The following PTPN14 variants were observed in gnomAD, a reference collection of about 807,000 sequenced individuals.
PTPN14 encodes the protein protein tyrosine phosphatase non-receptor type 14.
Under a neutral mutation model 126.8 loss-of-function variants are expected in PTPN14, and 53 were observed. That is an observed-to-expected ratio of 0.42 (90% confidence interval 0.34 to 0.53). PTPN14 has a LOEUF of 0.53. Among genes scored for constraint, PTPN14 ranks in the 20% least tolerant of loss-of-function variants. The pLI is 0.08. For synonymous variants in PTPN14, 630 were observed against 599.3 expected, an observed-to-expected ratio of 1.05 and a Z score of -0.75; for missense variants, 1,257 against 1,552.9, an observed-to-expected ratio of 0.81 and a Z score of 3.20.
chr1:214,433,474 G>C (rs1208194923), intron 3 of PTPN14, among the ~76,000 whole-genome samples: 1 of 151,976 alleles, frequency 6.6e-6, no homozygotes, highest in Non-Finnish European at 1.5e-5. Context: ...AAAATCAAGA[G>C]AAGGCAGCAA....
intron 3 of PTPN14, among the ~76,000 whole-genome samples, chr1:214,420,148 C>T (rs1379448049): frequency 6.6e-6 from 1 of 152,132 alleles, no homozygotes; most frequent in Non-Finnish European, 1.5e-5. Flanking sequence ...TGAAATAACC[C>T]CATAGGGAGG....
At chr1:214,380,159 CCA>C (rs745789349) in intron 13 of PTPN14, among the ~76,000 whole-genome samples, 83 of 152,114 alleles carry the variant, frequency 5.5e-4, no homozygotes, top group Middle Eastern at 3.4e-3. Context: ...TTTATTTCTG[CCA>C]CCTCTTTCAC....
intron 2 of PTPN14, among the ~76,000 whole-genome samples, chr1:214,453,904 T>C (rs1419068511): frequency 6.6e-6 from 1 of 152,218 alleles, no homozygotes; most frequent in Non-Finnish European, 1.5e-5. Flanking sequence ...ATTGGGACAC[T>C]GGAACATCAC....
Position 214,383,682 on chromosome 1 carries a change from G to A in PTPN14, c.2173C>T (p.Pro725Ser). The change falls in exon 13 of 19, where the codon CCC (proline) becomes TCC (serine). Residue 725 changes from proline to serine, a missense_variant. Transcript: ENST00000366956. This position sits in a 1 kb window ranked among gnomAD's most constrained non-coding sequence, Gnocchi z 4.4. ...TACTCCATCTTCTCCCGGAGCATGG[G>A]GATCTGGGGCACCGATTCTGGAGCC... The part of the protein sequence containing the change: ...EEAPESVPQI[P>S]MLREKMEYSA... 6.2e-7 allele frequency: 1 copy of A among 1,613,422 alleles called. No individual in the cohort carries two copies. The highest frequency in any genetic ancestry group is 8.5e-7 in the Non-Finnish European group (1 of 1,180,026).
chr1:214,439,921 G>T (rs1027928166), intron 3 of PTPN14, among the ~76,000 whole-genome samples: 2 of 152,170 alleles, frequency 1.3e-5, no homozygotes, highest in African/African-American at 4.8e-5. Flanking sequence ...CTCACTCAAA[G>T]AAGTGCCTGT....
intron 14 of PTPN14, among the ~76,000 whole-genome samples, chr1:214,377,022 C>T (rs966176450): frequency 2.0e-5 from 3 of 152,218 alleles, no homozygotes; most frequent in Non-Finnish European, 2.9e-5. Flanking sequence ...AACCTTCTGA[C>T]AGCAATTTCG....
At chr1:214,426,113 T>A (rs142553878) in intron 3 of PTPN14, among the ~76,000 whole-genome samples, 22 of 137,472 alleles carry the variant, frequency 1.6e-4, no homozygotes, top group African/African-American at 6.0e-4. Context: ...ACAACATGAA[T>A]CCATTGACAA....
rs370374002 is a variant in PTPN14, at chr1:214,464,822, C to G, written c.-19G>C. The G allele has an allele frequency of 1.4e-5, 22 of 1,610,314 alleles. No homozygotes were observed. Among genetic ancestry groups the G allele is most frequent in the Non-Finnish European group, 1.8e-5 (21 of 1,177,610 alleles). ...AAGGCATGGCTATGTGGTCCTCGGA[C>G]GCCGCCCGCCTATCCTGGCGCACAC... is the stretch of plus-strand genomic sequence containing the variant. On this transcript the variant is annotated 5_prime_UTR_variant, in exon 2 of 19. Transcript: ENST00000366956.
At chr1:214,376,766 C>T (rs1019105071) in intron 14 of PTPN14, among the ~76,000 whole-genome samples, 2 of 152,146 alleles carry the variant, frequency 1.3e-5, no homozygotes, top group Admixed American at 1.3e-4. Context: ...TCCTTTCCTC[C>T]ACCTATATAG....
chr1:214,402,717 A>G (rs1246396052), intron 6 of PTPN14, among the ~76,000 whole-genome samples, 166 bp downstream of exon 6: 1 of 123,140 alleles, frequency 8.1e-6, no homozygotes, highest in Non-Finnish European at 1.7e-5. Flanking sequence ...TTTCAAGTGG[A>G]CATTCACTTT....
At chr1:214,550,785 C>A (rs909090947) in intron 1 of PTPN14, among the ~76,000 whole-genome samples, 1 of 152,192 alleles carries the variant, frequency 6.6e-6, no homozygotes, top group African/African-American at 2.4e-5. Context: ...CATCCCCCTA[C>A]CGCTGCAGCG....
intron 1 of PTPN14, among the ~76,000 whole-genome samples, chr1:214,484,278 C>T (rs1220879491): frequency 6.6e-6 from 1 of 152,182 alleles, no homozygotes; most frequent in Admixed American, 6.5e-5. Flanking sequence ...GCAGCACACA[C>T]CTGTGGTCCT....
intron 1 of PTPN14, among the ~76,000 whole-genome samples, chr1:214,492,538 T>C (rs1311260130): frequency 6.6e-6 from 1 of 152,240 alleles, no homozygotes; most frequent in Admixed American, 6.5e-5. Flanking sequence ...CGTTGGGACA[T>C]TTGATGATGA....
At chr1:214,523,731 A>AGG (rs1452165568) in intron 1 of PTPN14, among the ~76,000 whole-genome samples, 1 of 152,148 alleles carries the variant, frequency 6.6e-6, no homozygotes, top group Non-Finnish European at 1.5e-5. Context: ...CACCAACACA[A>AGG]GGCCTGGAGT....
At position 214,464,835 on chromosome 1, in the gene PTPN14, T is replaced by C; in HGVS notation, c.-32A>G. The stretch of plus-strand genomic sequence containing the variant: ...GTGGTCCTCGGACGCCGCCCGCCTA[T>C]CCTGGCGCACACGCCCCTGAGATGG... On this transcript the variant is annotated 5_prime_UTR_variant, in exon 2 of 19. Transcript: ENST00000366956. The C allele has an allele frequency of 6.2e-7, 1 of 1,609,164 alleles. No homozygotes were observed. Among genetic ancestry groups the C allele is most frequent in the Non-Finnish European group, 8.5e-7 (1 of 1,175,952 alleles).
chr1:214,460,408 AACACAC>A (rs150101393), intron 2 of PTPN14, among the ~76,000 whole-genome samples: 3 of 149,824 alleles, frequency 2.0e-5, no homozygotes, highest in South Asian at 2.1e-4. Context: ...ACACATACAC[AACACAC>A]ACACACACAC....
Position 214,456,378 on chromosome 1 carries a change from A to G in PTPN14, c.175-4404T>C, listed in dbSNP as rs75093032. Among the ~76,000 whole-genome samples, 13 of 152,346 alleles carry G rather than the reference A, an allele frequency of 8.5e-5. No homozygotes were observed. In the East Asian group the frequency reaches 2.5e-3, roughly 29 times the overall value. On this transcript the variant is annotated intron_variant, in intron 2 of 18. Coordinates refer to ENST00000366956, the MANE Select transcript of PTPN14 (RefSeq NM_005401.5). Reference sequence around the variant, plus strand: ...CACTGAGGCATGGAAAATACTTCAAAAGATGACTATAAGCAGACTCTGAAA... The same window carrying G: ...CACTGAGGCATGGAAAATACTTCAAGAGATGACTATAAGCAGACTCTGAAA...
intron 1 of PTPN14, among the ~76,000 whole-genome samples, chr1:214,503,683 G>A (rs6680964): frequency 0.29 from 43,975 of 152,078 alleles, 8,100 homozygotes; most frequent in African/African-American, 0.53. Context: ...ACAATTAGTC[G>A]GTGTAATTCG....
intron 1 of PTPN14, among the ~76,000 whole-genome samples, chr1:214,497,935 T>C (rs1654576133): frequency 6.6e-6 from 1 of 151,952 alleles, no homozygotes; most frequent in South Asian, 2.1e-4. Flanking sequence ...AGAAACACAA[T>C]GAGAGAGAAA....
Sources: gnomAD v4.1 joint callset for allele counts (sites outside exome capture counted in the v4.1 genomes callset) on GRCh38, gnomAD v4.1.1 for gene constraint, Gnocchi (gnomAD v3.1) non-coding constraint, MANE v1.5 for transcripts, NCBI Gene and HGNC (gene_info 2026-07-23, HGNC 2026-07-21) for gene names.